The following PLAAT5 variants were observed in gnomAD, a reference collection of about 807,000 sequenced individuals.
The protein encoded by PLAAT5 is phospholipase A and acyltransferase 5.
Under a neutral mutation model 27.8 loss-of-function variants are expected in PLAAT5, and 27 were observed. The ratio of observed to expected loss-of-function variants is 0.97; its 90% CI spans 0.72 to 1.34. The LOEUF (loss-of-function observed/expected upper bound fraction) is 1.34. Among genes scored for constraint, PLAAT5 ranks in the 40% most tolerant of loss-of-function variants. The pLI is 0.00. For synonymous variants in PLAAT5, 125 were observed against 136.1 expected, an observed-to-expected ratio of 0.92 and a Z score of 0.57; for missense variants, 368 against 343.8, an observed-to-expected ratio of 1.07 and a Z score of -0.56.
intron 3 of PLAAT5, among the ~76,000 whole-genome samples, chr11:63,487,316 T>A (rs926551086): frequency 6.6e-6 from 1 of 152,172 alleles, no homozygotes; most frequent in Non-Finnish European, 1.5e-5. Flanking sequence ...ATGGCAAATA[T>A]ACGCATGAAA....
Position 63,462,365 on chromosome 11 carries a change from G to A in PLAAT5, c.*1138C>T, listed in dbSNP as rs769573054. 6.6e-6 allele frequency: 1 copy of A among 152,234 alleles called. No individual in the cohort carries two copies. The highest frequency in any genetic ancestry group is 2.4e-5 in the African/African-American group (1 of 41,456). 9.4% of individuals were successfully genotyped at this position (152,234 alleles called of 1,614,324 possible). A position where few individuals can be genotyped will look rare whatever the true frequency, so the allele number is the denominator to read the frequency against. ...TCCTGGTCATGATTCACAGAAATGA[G>A]TGCAGAGGGAAGACAAAGTCAGATG... On this transcript the variant is annotated 3_prime_UTR_variant, in exon 6 of 6. Transcript: ENST00000540857.
At chr11:63,464,369 G>A (rs2015797674) in intron 5 of PLAAT5, among the ~76,000 whole-genome samples, 1 of 152,130 alleles carries the variant, frequency 6.6e-6, no homozygotes, top group Non-Finnish European at 1.5e-5. Context: ...TTTAAAGGGG[G>A]ATAATAGGTT....
chr11:63,479,306 T>C (rs1388500735), intron 3 of PLAAT5, among the ~76,000 whole-genome samples: 1 of 152,254 alleles, frequency 6.6e-6, no homozygotes, highest in Non-Finnish European at 1.5e-5. Context: ...AATAGTATTT[T>C]CTTTGTGATT....
intron 3 of PLAAT5, among the ~76,000 whole-genome samples, chr11:63,486,647 A>T (rs1409568691): frequency 6.6e-6 from 1 of 152,074 alleles, no homozygotes; most frequent in Non-Finnish European, 1.5e-5. Context: ...AATCAACTTT[A>T]GGGACTCAGA....
At chr11:63,472,969 G>A (rs1334072395) in intron 3 of PLAAT5, among the ~76,000 whole-genome samples, 1 of 152,044 alleles carries the variant, frequency 6.6e-6, no homozygotes, top group Admixed American at 6.6e-5. Context: ...AATGAGCCAG[G>A]AGTGGTGGCA....
Position 63,462,989 on chromosome 11 carries a change from C to T in PLAAT5, c.*514G>A, listed in dbSNP as rs2015756758. Reference sequence around the variant, plus strand: ...TTAAGGTACCATGGGCCCTGAATAACGAATCTCAGTTTTTCTTAAGGTCCT... The same window carrying T: ...TTAAGGTACCATGGGCCCTGAATAATGAATCTCAGTTTTTCTTAAGGTCCT... On this transcript the variant is annotated 3_prime_UTR_variant, in exon 6 of 6. Transcript: ENST00000540857. 2 of 152,340 alleles carry T rather than the reference C, an allele frequency of 1.3e-5. No individual in the cohort carries two copies. Among genetic ancestry groups the T allele is most frequent in the Admixed American group, 6.6e-5 (1 of 15,266 alleles). The allele number at this position is 152,340 out of a possible 1,614,324, so 9.4% of individuals were successfully genotyped here. A position where few individuals can be genotyped will look rare whatever the true frequency, so the allele number is the denominator to read the frequency against.
intron 3 of PLAAT5, among the ~76,000 whole-genome samples, chr11:63,480,017 GC>G (rs2016246463): frequency 6.6e-6 from 1 of 152,132 alleles, no homozygotes. Context: ...CCTAACCAAT[GC>G]CTTTCACCCA....
At position 63,491,075 on chromosome 11, in the gene PLAAT5, G is replaced by T. The variant is rs973313780; in HGVS notation, c.-41C>A. The T allele has an allele frequency of 2.0e-5, 27 of 1,376,398 alleles. No individual in the cohort carries two copies. The highest frequency in any genetic ancestry group is 2.7e-4 in the Middle Eastern group (1 of 3,698). The allele number at this position is 1,376,398 out of a possible 1,614,324, so 85.3% of individuals were successfully genotyped here. On this transcript the variant is annotated 5_prime_UTR_variant, in exon 1 of 6. Coordinates refer to ENST00000540857, the MANE Select transcript of PLAAT5 (RefSeq NM_001146729.2). The stretch of plus-strand genomic sequence containing the variant: ...TCGCCGGCCCCCAGGCCTTGCAGGG[G>T]ACTACGCCCCTGGCGAGTTCCCAGT...
In PLAAT5 at chr11:63,488,910, C is replaced by A. The variant is rs1316903816; in HGVS notation, c.306G>T (p.Lys102Asn). Residue 102 changes from lysine to asparagine, a missense_variant, in exon 3 of 6, where the codon AAG (lysine) becomes AAT (asparagine). Physicochemically the swap from Lys to Asn is moderately conservative, Grantham distance 94. Transcript: ENST00000540857. ...SQKADWSSIPKPENEGKLIKQ... is the reference protein window; with the variant it reads ...SQKADWSSIPNPENEGKLIKQ... ...TTATTAACTTGCCTTCATTCTCAGG[C>A]TTTGGAATTGAACTCCAGTCTGCTT... 6.2e-7 allele frequency: 1 copy of A among 1,613,802 alleles called. No individual in the cohort carries two copies. Among genetic ancestry groups the A allele is most frequent in the Non-Finnish European group, 8.5e-7 (1 of 1,179,798 alleles).
chr11:63,474,138 A>G (rs1325829095), intron 3 of PLAAT5, among the ~76,000 whole-genome samples: 1 of 152,090 alleles, frequency 6.6e-6, no homozygotes, highest in African/African-American at 2.4e-5. Context: ...TTTTACATGT[A>G]TATTCATAGA....
chr11:63,465,371 A>AGT (rs58014474), intron 5 of PLAAT5, among the ~76,000 whole-genome samples: 12,860 of 145,198 alleles, frequency 0.089, 668 homozygotes, highest in Admixed American at 0.14. Context: ...TCAAACAAAA[A>AGT]GTGTGTGTGT....
intron 1 of PLAAT5, 86 bp downstream of exon 1, chr11:63,490,801 T>C (rs1322283008): frequency 3.2e-6 from 4 of 1,236,976 alleles, no homozygotes; most frequent in South Asian, 2.9e-5. Flanking sequence ...CCAAATGTCT[T>C]AAGAAAAGGA....
At position 63,491,042 on chromosome 11, in the gene PLAAT5, C is replaced by T; in HGVS notation, c.-8G>A. ...GCCCGGGCTCAGGCCCATCCCGCCTCTGCGGCCTCGCCGGCCCCCAGGCCT... is the reference window on the plus strand; with the variant it reads ...GCCCGGGCTCAGGCCCATCCCGCCTTTGCGGCCTCGCCGGCCCCCAGGCCT... On this transcript the variant is annotated 5_prime_UTR_variant, in exon 1 of 6. Transcript: ENST00000540857. The T allele has an allele frequency of 2.1e-6, 3 of 1,430,734 alleles. No individual in the cohort carries two copies. Among genetic ancestry groups the T allele is most frequent in the African/African-American group, 3.0e-5 (2 of 66,538 alleles). The allele number at this position is 1,430,734 out of a possible 1,614,324, so 88.6% of individuals were successfully genotyped here. A position where few individuals can be genotyped will look rare whatever the true frequency, so the allele number is the denominator to read the frequency against.
intron 3 of PLAAT5, among the ~76,000 whole-genome samples, chr11:63,479,146 G>A (rs2016224772): frequency 6.6e-6 from 1 of 152,184 alleles, no homozygotes; most frequent in African/African-American, 2.4e-5. Context: ...ATACAGAAGA[G>A]GTTGAGTGCT....
At chr11:63,464,109 C>A (rs990903195) in intron 5 of PLAAT5, among the ~76,000 whole-genome samples, 3 of 152,108 alleles carry the variant, frequency 2.0e-5, no homozygotes, top group Non-Finnish European at 4.4e-5. Flanking sequence ...CAGGGCCCAC[C>A]AAGCCCCGGA....
intron 3 of PLAAT5, among the ~76,000 whole-genome samples, chr11:63,480,156 C>T (rs2016250697): frequency 1.3e-5 from 2 of 152,214 alleles, no homozygotes; most frequent in African/African-American, 2.4e-5. Context: ...CATATTTCCC[C>T]ACCAACCAAA....
intron 3 of PLAAT5, among the ~76,000 whole-genome samples, chr11:63,487,454 T>C (rs1001034638): frequency 6.6e-6 from 1 of 152,148 alleles, no homozygotes; most frequent in African/African-American, 2.4e-5. Flanking sequence ...ACTGGAACTC[T>C]TATAAACTGC....
At chr11:63,483,791 A>ATATATATGTG (rs2016351548) in intron 3 of PLAAT5, among the ~76,000 whole-genome samples, 2 of 77,232 alleles carry the variant, frequency 2.6e-5, no homozygotes, top group East Asian at 3.9e-4. Context: ...AAAAATATAT[A>ATATATATGTG]TATATATATG....
intron 3 of PLAAT5, among the ~76,000 whole-genome samples, chr11:63,487,822 AT>A (rs1215016747): frequency 3.3e-5 from 5 of 152,262 alleles, no homozygotes; most frequent in African/African-American, 1.2e-4. Flanking sequence ...TGAACTGTTG[AT>A]AAAAAGCAAC....
Sources: allele counts gnomAD v4.1 joint callset (sites outside exome capture counted in the v4.1 genomes callset), GRCh38; gene constraint gnomAD v4.1.1; transcripts MANE v1.5; gene names NCBI Gene and HGNC (gene_info 2026-07-23, HGNC 2026-07-21).